AGPS: variants seen among roughly 807,000 people sequenced by gnomAD.
AGPS encodes alkyldihydroxyacetonephosphate synthase, peroxisomal.
In AGPS, 26 loss-of-function variants were observed where a neutral mutation model predicts 90.7. That is an observed-to-expected ratio of 0.29 (90% CI 0.21 to 0.40). AGPS has a LOEUF of 0.40. AGPS is among the 10% of genes least tolerant of loss of function. The probability of loss-of-function intolerance (pLI) is 1.00; values close to 1 mark genes in which losing one functional copy is unlikely to be tolerated. For missense variants in AGPS, 540 were observed against 816.1 expected (o/e 0.66, Z 4.12); for synonymous variants, 294 against 285.3 (o/e 1.03, Z -0.31).
At chr2:177,507,068 T>C (rs1032925295) in intron 15 of AGPS, among the ~76,000 whole-genome samples, 2 of 152,110 alleles carry the variant, frequency 1.3e-5, no homozygotes, top group African/African-American at 4.8e-5. Flanking sequence ...GTTTTCTGTT[T>C]TTATAAGTTT....
chr2:177,471,487 A>G (rs1687623935), intron 10 of AGPS, among the ~76,000 whole-genome samples: 1 of 152,212 alleles, frequency 6.6e-6, no homozygotes. Flanking sequence ...TGTAATAAAT[A>G]TTCAAGCATT....
At chr2:177,429,336 C>A (rs956332971) in intron 2 of AGPS, among the ~76,000 whole-genome samples, 2 of 152,182 alleles carry the variant, frequency 1.3e-5, no homozygotes, top group African/African-American at 4.8e-5. Flanking sequence ...AGCCTTAGCC[C>A]AGTTCTCTGC....
chr2:177,518,741 G>T (rs1334019958), intron 17 of AGPS, among the ~76,000 whole-genome samples: 1 of 141,082 alleles, frequency 7.1e-6, no homozygotes, highest in Non-Finnish European at 1.5e-5. Context: ...ACATTTTATT[G>T]TCTGGAATAT....
chr2:177,526,801 A>G (rs1412872829), intron 19 of AGPS, among the ~76,000 whole-genome samples: 1 of 152,216 alleles, frequency 6.6e-6, no homozygotes, highest in Non-Finnish European at 1.5e-5. Context: ...GTGAAGAGAA[A>G]GGGGATAGAA....
At chr2:177,398,180 G>A (rs1559029667) in intron 1 of AGPS, among the ~76,000 whole-genome samples, 2 of 152,170 alleles carry the variant, frequency 1.3e-5, no homozygotes, top group Non-Finnish European at 2.9e-5. Context: ...ACAGAGCAAA[G>A]GTTATTTGCA....
intron 13 of AGPS, among the ~76,000 whole-genome samples, chr2:177,498,315 T>C (rs1223176566): frequency 6.6e-6 from 1 of 151,704 alleles, no homozygotes; most frequent in Non-Finnish European, 1.5e-5. Flanking sequence ...ATTCGTTGGA[T>C]ATGGTTATTT....
chr2:177,542,550 G>C lies in AGPS; in HGVS notation c.*4355G>C, dbSNP rs896343823. On this transcript the variant is annotated 3_prime_UTR_variant, in exon 20 of 20. Transcript: ENST00000264167. ...AAGGAGATTATTTATTTTTCCACAA[G>C]GAAAAACATCTTGCAGAGACTCTGA... The C allele has an allele frequency of 6.6e-6, 1 of 151,998 alleles. No individual in the cohort carries two copies. The highest frequency in any genetic ancestry group is 2.4e-5 in the African/African-American group (1 of 41,386). 9.4% of individuals were successfully genotyped at this position (151,998 alleles called of 1,614,324 possible). A position where few individuals can be genotyped will look rare whatever the true frequency, so the allele number is the denominator to read the frequency against.
chr2:177,527,558 T>C (rs2079099751), intron 19 of AGPS, among the ~76,000 whole-genome samples: 1 of 152,188 alleles, frequency 6.6e-6, no homozygotes, highest in Non-Finnish European at 1.5e-5. Context: ...CTCAGTTCTT[T>C]CCCATAAGTC....
Position 177,442,499 on chromosome 2 carries a change from T to G in AGPS, c.789+13T>G. The G allele has an allele frequency of 6.4e-7, 1 of 1,572,330 alleles. No homozygotes were observed. Among genetic ancestry groups the G allele is most frequent in the Non-Finnish European group, 8.8e-7 (1 of 1,142,488 alleles). The stretch of plus-strand genomic sequence containing the variant: ...CACTTCACAAATGGTATTTAATAAT[T>G]TGAGATATATTTAAAACATTTTCTT... On this transcript the variant is annotated intron_variant, in intron 7 of 19. Transcript: ENST00000264167.
At chr2:177,448,299 T>C (rs1373374281) in intron 8 of AGPS, among the ~76,000 whole-genome samples, 1 of 152,182 alleles carries the variant, frequency 6.6e-6, no homozygotes, top group Non-Finnish European at 1.5e-5. Flanking sequence ...AAGTTAATAA[T>C]GTGAACTACT....
intron 11 of AGPS, among the ~76,000 whole-genome samples, chr2:177,486,595 C>G (rs1306416692): frequency 1.3e-5 from 2 of 150,930 alleles, no homozygotes; most frequent in Non-Finnish European, 3.0e-5. Flanking sequence ...TAATTCTTCA[C>G]TGTCATTTTA....
At chr2:177,521,186 G>T in intron 17 of AGPS, 83 bp from the exon 18 acceptor site, 1 of 1,141,026 alleles carries the variant, frequency 8.8e-7, no homozygotes, top group Non-Finnish European at 1.3e-6. Context: ...AATCATTTGG[G>T]TCGTCTTGAC....
Position 177,442,763 on chromosome 2 carries a change from C to G in AGPS, c.789+277C>G, listed in dbSNP as rs779150108. ...TTGGGAGGCTGAGACATAAGACTCG[C>G]TTGAACCCAGGAGGTGGAGGTTGCA... On this transcript the variant is annotated intron_variant, in intron 7 of 19. Transcript: ENST00000264167. 2.0e-5 allele frequency among the ~76,000 whole-genome samples: 3 copies of G among 148,392 alleles called. No homozygotes were observed. In the East Asian group the frequency reaches 6.0e-4, roughly 30 times the overall value.
chr2:177,482,357 T>A (rs979800957), intron 11 of AGPS, among the ~76,000 whole-genome samples, 171 bp downstream of exon 11: 3 of 152,072 alleles, frequency 2.0e-5, no homozygotes, highest in African/African-American at 7.2e-5. Context: ...TGTTGTACAG[T>A]CATCCTTTAA....
At chr2:177,457,958 G>A (rs540172893) in intron 8 of AGPS, among the ~76,000 whole-genome samples, 3 of 152,210 alleles carry the variant, frequency 2.0e-5, no homozygotes, top group South Asian at 2.1e-4. Context: ...CAAACCGAAC[G>A]AATCCAGCAG....
At chr2:177,457,501 A>C (rs942605662) in intron 8 of AGPS, among the ~76,000 whole-genome samples, 5 of 152,244 alleles carry the variant, frequency 3.3e-5, no homozygotes, top group Admixed American at 1.3e-4. Context: ...TACAGGGGAT[A>C]TCACCACTGA....
chr2:177,516,474 T>G (rs1302341364), intron 17 of AGPS, among the ~76,000 whole-genome samples: 2 of 152,274 alleles, frequency 1.3e-5, no homozygotes, highest in African/African-American at 4.8e-5. Context: ...AGTGTTTAAG[T>G]GTCTTAAATG....
intron 10 of AGPS, among the ~76,000 whole-genome samples, chr2:177,471,478 G>T (rs574672125): frequency 6.6e-6 from 1 of 152,042 alleles, no homozygotes. Flanking sequence ...AATGAAAAAT[G>T]TAATAAATAT....
At chr2:177,533,360 A>C (rs1314210043) in intron 19 of AGPS, among the ~76,000 whole-genome samples, 1 of 152,168 alleles carries the variant, frequency 6.6e-6, no homozygotes, top group Non-Finnish European at 1.5e-5. Flanking sequence ...TGTAGCAAGA[A>C]GATACTGATC....
Sources: gnomAD v4.1 joint callset for allele counts (sites outside exome capture counted in the v4.1 genomes callset) on GRCh38, gnomAD v4.1.1 for gene constraint, MANE v1.5 for transcripts, NCBI Gene and HGNC (gene_info 2026-07-23, HGNC 2026-07-21) for gene names.